HDX: variants seen among roughly 807,000 people sequenced by gnomAD.
The protein encoded by HDX is highly divergent homeobox.
Under a neutral mutation model 45.2 loss-of-function variants are expected in HDX, and 19 were observed. The ratio of observed to expected loss-of-function variants is 0.42; its 90% confidence interval spans 0.29 to 0.62. The LOEUF (loss-of-function observed/expected upper bound fraction) is 0.62. Ranked by LOEUF, HDX falls within the 20% of genes least tolerant of loss-of-function variation. The probability of loss-of-function intolerance (pLI) is 0.20; values close to 1 mark genes in which losing one functional copy is unlikely to be tolerated. For missense variants in HDX, 532 were observed against 493.9 expected (o/e 1.08, Z -0.73); for synonymous variants, 188 against 172.8 (o/e 1.09, Z -0.69).
At chrX:84,467,402 G>A (rs747955807) in intron 4 of HDX, among the ~76,000 whole-genome samples, 17 of 110,646 alleles carry the variant, frequency 1.5e-4, no homozygotes, top group South Asian at 3.9e-4. Context: ...TGAGGTGGGC[G>A]GATCATCTGA....
rs1466002448 is a variant in HDX at position 84,494,152 on chromosome X, T to A, written c.-109-6020A>T. ...TTTTATGTAATCCCACATGCATCCA[T>A]CCATACAAAATATATGACAGTGATA... On this transcript the variant is annotated intron_variant, in intron 1 of 10. Coordinates refer to ENST00000373177, the MANE Select transcript of HDX (RefSeq NM_001177479.2). 2.7e-5 allele frequency among the ~76,000 whole-genome samples: 3 copies of A among 112,120 alleles called. No individual in the cohort carries two copies. The Admixed American group carries it at 2.8e-4, about 11-fold the overall frequency.
intron 5 of HDX, among the ~76,000 whole-genome samples, chrX:84,396,770 G>T (rs1195185013): frequency 1.8e-5 from 2 of 111,191 alleles, no homozygotes; most frequent in African/African-American, 3.3e-5. Context: ...CTCAACCTCA[G>T]TTCCCTGGGA....
At chrX:84,365,235 C>A (rs759331035) in intron 5 of HDX, among the ~76,000 whole-genome samples, 1 of 111,201 alleles carries the variant, frequency 9.0e-6, no homozygotes, top group East Asian at 2.8e-4. Flanking sequence ...TTACAGTTAT[C>A]TATTGATGGA....
At chrX:84,439,559 C>T (rs1282244900) in intron 5 of HDX, among the ~76,000 whole-genome samples, 1 of 111,182 alleles carries the variant, frequency 9.0e-6, no homozygotes, top group Non-Finnish European at 1.9e-5. Flanking sequence ...AATATTTAAT[C>T]CATCTTGAGT....
In HDX at chrX:84,426,014, TC is replaced by T. The variant is rs1430017357; in HGVS notation, c.1305+14517del. Among the ~76,000 whole-genome samples, 11 of 111,294 alleles carry T rather than the reference TC, an allele frequency of 9.9e-5. No homozygotes were observed. The East Asian group carries it at 2.8e-3, about 29-fold the overall frequency. On this transcript the variant is annotated intron_variant, in intron 5 of 10. Transcript: ENST00000373177. The stretch of plus-strand genomic sequence containing the variant: ...AACAAATGATTGAGAGTTTGGATAC[TC>T]CATTCTATACGATGTGATTATTAAG...
rs375268218 is a variant in HDX, at chrX:84,336,820, G to C, written c.1721C>G (p.Ala574Gly). 40 of 1,178,345 alleles carry C rather than the reference G, an allele frequency of 3.4e-5. No individual in the cohort carries two copies. The African/African-American group carries it at 5.5e-4, about 16-fold the overall frequency. The change falls in exon 8 of 11, where the codon GCA (alanine) becomes GGA (glycine). Residue 574 changes from alanine to glycine, a missense_variant. Ala to Gly is a moderately conservative substitution (Grantham distance 60, BLOSUM62 0). Transcript: ENST00000373177. ...ACATACCACATTATCTGTGGTTACTGCATGGTGGTCCTCTTCCTTATGAGC... is the reference window on the plus strand; with the variant it reads ...ACATACCACATTATCTGTGGTTACTCCATGGTGGTCCTCTTCCTTATGAGC... Reference protein sequence around the residue: ...ARAHKEEDHHAVTTDNVKIEI... With the variant: ...ARAHKEEDHHGVTTDNVKIEI...
chrX:84,430,665 A>C (rs1240814112), intron 5 of HDX, among the ~76,000 whole-genome samples: 2 of 92,845 alleles, frequency 2.2e-5, no homozygotes, highest in African/African-American at 7.6e-5. Flanking sequence ...TTTTCTCTGC[A>C]TCCTCGCCAG....
chrX:84,341,287 TA>T (rs1400286673), intron 7 of HDX, among the ~76,000 whole-genome samples: 1 of 111,283 alleles, frequency 9.0e-6, no homozygotes, highest in African/African-American at 3.3e-5. Context: ...AGAAATGGTT[TA>T]AAGGACCAAC....
At chrX:84,477,574 C>A (rs1485365735) in intron 2 of HDX, among the ~76,000 whole-genome samples, 1 of 111,134 alleles carries the variant, frequency 9.0e-6, no homozygotes, top group Non-Finnish European at 1.9e-5. Flanking sequence ...CTCAAAAGAT[C>A]TACTATATTA....
chrX:84,439,741 T>C (rs1371905846), intron 5 of HDX, among the ~76,000 whole-genome samples: 3 of 111,265 alleles, frequency 2.7e-5, no homozygotes, highest in Non-Finnish European at 5.7e-5. Flanking sequence ...GGTGCTTTAT[T>C]CTGTTCTACT....
At position 84,356,912 on chromosome X, in the gene HDX, C is replaced by T. The variant is rs1262404096; in HGVS notation, c.1452+4554G>A. ...CTGGGATTACAGGCGTGAGCCACCGCGCCCGGCCCTCCTGTGGATATCTTA... is the reference window on the plus strand; with the variant it reads ...CTGGGATTACAGGCGTGAGCCACCGTGCCCGGCCCTCCTGTGGATATCTTA... On this transcript the variant is annotated intron_variant, in intron 6 of 10. Coordinates refer to ENST00000373177, the MANE Select transcript of HDX (RefSeq NM_001177479.2). 3.6e-5 allele frequency among the ~76,000 whole-genome samples: 4 copies of T among 110,730 alleles called. 1 individual carries two copies. The Admixed American group carries it at 3.8e-4, about 11-fold the overall frequency.
intron 1 of HDX, among the ~76,000 whole-genome samples, chrX:84,493,771 G>C (rs956894681): frequency 2.7e-5 from 3 of 111,351 alleles, no homozygotes; most frequent in Non-Finnish European, 5.7e-5. Flanking sequence ...ATATCAGAAA[G>C]AATAAGTACC....
chrX:84,484,523 TCC>T (rs1163974942), intron 2 of HDX, among the ~76,000 whole-genome samples: 8 of 147 alleles, frequency 0.054, no homozygotes, highest in East Asian at 0.4. Context: ...TTCAATTACC[TCC>T]CACAGGTCCC....
At chrX:84,363,777 G>A (rs1188376570) in intron 5 of HDX, among the ~76,000 whole-genome samples, 2 of 112,089 alleles carry the variant, frequency 1.8e-5, no homozygotes, top group Non-Finnish European at 3.8e-5. Context: ...TTTTTTCCCA[G>A]GGAAGCTTGA....
chrX:84,343,145 A>G (rs768693081), intron 7 of HDX, among the ~76,000 whole-genome samples: 62 of 111,208 alleles, frequency 5.6e-4, no homozygotes, highest in Non-Finnish European at 9.5e-4. Flanking sequence ...AAATGGGCTC[A>G]AGGGACTTAT....
intron 5 of HDX, among the ~76,000 whole-genome samples, chrX:84,426,646 G>A (rs1352106168): frequency 9.1e-6 from 1 of 110,300 alleles, no homozygotes; most frequent in African/African-American, 3.3e-5. Flanking sequence ...TAGGGGTGGG[G>A]GATATGGGGG....
At chrX:84,419,532 T>C (rs191450785) in intron 5 of HDX, among the ~76,000 whole-genome samples, 19 of 108,423 alleles carry the variant, frequency 1.8e-4, no homozygotes, top group Admixed American at 1.5e-3. Flanking sequence ...GAAACACGAG[T>C]ATATTTCAAA....
chrX:84,400,369 A>C (rs1407268683), intron 5 of HDX, among the ~76,000 whole-genome samples: 1 of 109,098 alleles, frequency 9.2e-6, no homozygotes, highest in East Asian at 2.9e-4. Context: ...CAGGATACAA[A>C]ATCAATGTGC....
intron 1 of HDX, among the ~76,000 whole-genome samples, chrX:84,497,423 TATA>T (rs2041025080): frequency 1.8e-5 from 2 of 111,628 alleles, no homozygotes; most frequent in Admixed American, 1.9e-4. Flanking sequence ...AGAAAAGTTA[TATA>T]ATAATATAAT....
Sources: gnomAD v4.1 joint callset for allele counts (sites outside exome capture counted in the v4.1 genomes callset) on GRCh38, gnomAD v4.1.1 for gene constraint, MANE v1.5 for transcripts, NCBI Gene and HGNC (gene_info 2026-07-23, HGNC 2026-07-21) for gene names.